Variants in CNTNAP2 observed in about 807,000 individuals in gnomAD.
CNTNAP2 encodes the protein contactin associated protein 2, also known as contactin-associated protein-like 2.
Under a neutral mutation model 155.2 loss-of-function variants are expected in CNTNAP2, and 98 were observed. The observed-to-expected ratio is 0.63, with a 90% CI of 0.54 to 0.75. The LOEUF (loss-of-function observed/expected upper bound fraction) is 0.75, where lower values mean the gene tolerates loss of function less well. Ranked by LOEUF, CNTNAP2 falls within the 30% of genes least tolerant of loss-of-function variation. The probability of loss-of-function intolerance (pLI) is 0.00; values close to 1 mark genes in which losing one functional copy is unlikely to be tolerated. For synonymous variants in CNTNAP2, 651 were observed against 631.2 expected (o/e 1.03, Z -0.47); for missense variants, 1,727 against 1,688.1 (o/e 1.02, Z -0.40).
intron 4 of CNTNAP2, among the ~76,000 whole-genome samples, chr7:147,045,657 G>A (rs565038658): frequency 6.6e-6 from 1 of 152,218 alleles, no homozygotes; most frequent in African/African-American, 2.4e-5. Context: ...GGTCCTATGT[G>A]GTCTAGACAT....
At chr7:146,825,283 A>T (rs1203900369) in intron 2 of CNTNAP2, among the ~76,000 whole-genome samples, 1 of 152,124 alleles carries the variant, frequency 6.6e-6, no homozygotes, top group Non-Finnish European at 1.5e-5. Context: ...TTAGTCATTG[A>T]AGTAGCTGGA....
intron 2 of CNTNAP2, among the ~76,000 whole-genome samples, chr7:146,802,224 G>T (rs1052991651): frequency 1.3e-5 from 2 of 152,130 alleles, no homozygotes; most frequent in Admixed American, 6.5e-5. Context: ...GTACTTGGAA[G>T]CTCTGGAAAC....
chr7:147,636,474 G>A (rs1429539858), intron 12 of CNTNAP2, among the ~76,000 whole-genome samples: 1 of 151,778 alleles, frequency 6.6e-6, no homozygotes, highest in Non-Finnish European at 1.5e-5. Context: ...TGTGCAGAAC[G>A]TGCAGGTTTG....
intron 13 of CNTNAP2, among the ~76,000 whole-genome samples, chr7:147,812,640 A>C (rs79750186): frequency 0.032 from 4,935 of 152,152 alleles, 135 homozygotes; most frequent in Non-Finnish European, 0.051. Context: ...CCCAGCCACA[A>C]GGCCTCAGGT....
At chr7:147,181,964 A>C (rs1043493650) in intron 8 of CNTNAP2, among the ~76,000 whole-genome samples, 2 of 151,958 alleles carry the variant, frequency 1.3e-5, no homozygotes, top group African/African-American at 4.8e-5. Flanking sequence ...GTCCATACTA[A>C]AAATACAAAA....
At chr7:148,017,287 G>T (rs1033620684) in intron 15 of CNTNAP2, among the ~76,000 whole-genome samples, 1 of 152,088 alleles carries the variant, frequency 6.6e-6, no homozygotes, top group Non-Finnish European at 1.5e-5. Flanking sequence ...GACGAACTGT[G>T]GTAACAGCAG....
At chr7:147,798,937 T>C (rs1311429211) in intron 13 of CNTNAP2, among the ~76,000 whole-genome samples, 1 of 152,162 alleles carries the variant, frequency 6.6e-6, no homozygotes, top group Non-Finnish European at 1.5e-5. Context: ...CCCTCCATAT[T>C]GAATTTATCC....
chr7:147,705,479 T>C (rs181749266), intron 13 of CNTNAP2, among the ~76,000 whole-genome samples: 1 of 152,308 alleles, frequency 6.6e-6, no homozygotes, highest in Non-Finnish European at 1.5e-5. Context: ...ATATGGTCTA[T>C]CCTGGGAAAT....
At chr7:146,760,409 C>CTTTTGTTTTTTTTTTTTTTTTTTTT (rs1802074339) in intron 1 of CNTNAP2, among the ~76,000 whole-genome samples, 1 of 56,276 alleles carries the variant, frequency 1.8e-5, no homozygotes, top group Non-Finnish European at 3.0e-5. Context: ...TCCAATTTAC[C>CTTTTGTTTTTTTTTTTTTTTTTTTT]TTTTTTTTTT....
At chr7:147,144,828 T>C (rs143637774) in intron 8 of CNTNAP2, among the ~76,000 whole-genome samples, 3 of 152,206 alleles carry the variant, frequency 2.0e-5, no homozygotes, top group South Asian at 2.1e-4. Flanking sequence ...TTCCTGTACA[T>C]GCGTGCATTC....
intron 3 of CNTNAP2, among the ~76,000 whole-genome samples, chr7:146,954,953 A>G (rs1563019405): frequency 6.6e-6 from 1 of 152,052 alleles, no homozygotes; most frequent in East Asian, 1.9e-4. Context: ...ATCAATAGAA[A>G]GAGAGAGGAA....
chr7:148,006,888 A>G (rs186676161), intron 15 of CNTNAP2, among the ~76,000 whole-genome samples: 1 of 152,328 alleles, frequency 6.6e-6, no homozygotes, highest in Admixed American at 6.5e-5. Context: ...GGTTGAGGCT[A>G]AGCTTCATTG....
At chr7:148,231,160 A>C (rs1182164866) in intron 20 of CNTNAP2, among the ~76,000 whole-genome samples, 1 of 152,176 alleles carries the variant, frequency 6.6e-6, no homozygotes, top group Non-Finnish European at 1.5e-5. Context: ...CAGCCATAGA[A>C]TCGTATACAG....
intron 8 of CNTNAP2, among the ~76,000 whole-genome samples, chr7:147,243,941 T>C (rs952157809): frequency 7.2e-5 from 11 of 152,280 alleles, no homozygotes; most frequent in Non-Finnish European, 1.5e-4. Flanking sequence ...TAAAAATAAA[T>C]AGGTCTTATT....
chr7:146,935,917 C>T lies in CNTNAP2; in HGVS notation c.402+96013C>T, dbSNP rs552326746. Among the ~76,000 whole-genome samples the T allele has an allele frequency of 1.1e-3, 164 of 152,218 alleles. 1 individual carries two copies. Among genetic ancestry groups the T allele is most frequent in the African/African-American group, 3.3e-3 (135 of 41,536 alleles). ...CTTTCAACTCTTGGTGTTATCCTCC[C>T]GATAGTCATAATAGAAGTCTCCCTG... On this transcript the variant is annotated intron_variant, in intron 3 of 23. Transcript: ENST00000361727.
chr7:146,917,142 G>T (rs1026311239), intron 3 of CNTNAP2, among the ~76,000 whole-genome samples: 25 of 152,024 alleles, frequency 1.6e-4, no homozygotes, highest in Non-Finnish European at 5.9e-5. Flanking sequence ...AGTTTCTTTT[G>T]GAGTTGATTT....
Position 146,354,204 on chromosome 7 carries a change from G to A in CNTNAP2, c.97+237231G>A, listed in dbSNP as rs527681718. On this transcript the variant is annotated intron_variant, in intron 1 of 23. Transcript: ENST00000361727. Reference sequence around the variant, plus strand: ...TTACCAGTTATGTGACTTTGATAAAGCCACTTATCCACTGTGAGCTTTAGA... The same window carrying A: ...TTACCAGTTATGTGACTTTGATAAAACCACTTATCCACTGTGAGCTTTAGA... 6.4e-4 allele frequency among the ~76,000 whole-genome samples: 97 copies of A among 152,210 alleles called. 1 individual carries two copies. The highest frequency in any genetic ancestry group is 2.1e-3 in the African/African-American group (89 of 41,532).
intron 15 of CNTNAP2, among the ~76,000 whole-genome samples, chr7:148,079,857 A>G (rs1803562196): frequency 6.6e-6 from 1 of 151,870 alleles, no homozygotes; most frequent in East Asian, 1.9e-4. Context: ...TGCAACCCCC[A>G]CTCCCCATCA....
intron 18 of CNTNAP2, among the ~76,000 whole-genome samples, chr7:148,187,784 T>C (rs1226517965): frequency 6.6e-6 from 1 of 152,132 alleles, no homozygotes; most frequent in African/African-American, 2.4e-5. Flanking sequence ...AATGTAAAAA[T>C]TATGACACAA....
Sources: gnomAD v4.1 joint callset for allele counts (sites outside exome capture counted in the v4.1 genomes callset) on GRCh38, gnomAD v4.1.1 for gene constraint, MANE v1.5 for transcripts, NCBI Gene and HGNC (gene_info 2026-07-23, HGNC 2026-07-21) for gene names.